Variants in COL6A6 observed in about 807,000 individuals in gnomAD.
COL6A6 encodes the protein collagen alpha-6(VI) chain.
Under a neutral mutation model 208.6 loss-of-function variants are expected in COL6A6, and 183 were observed. That is an observed-to-expected ratio of 0.88 (90% CI 0.78 to 0.99). The LOEUF (loss-of-function observed/expected upper bound fraction) is 0.99, where lower values mean the gene tolerates loss of function less well. COL6A6 is among the 50% of genes least tolerant of loss of function. The probability of loss-of-function intolerance (pLI) is 0.00; values close to 1 mark genes in which losing one functional copy is unlikely to be tolerated. For missense variants in COL6A6, 2,816 were observed against 2,815.2 expected (o/e 1.00, Z -0.01); for synonymous variants, 973 against 1,011.8 (o/e 0.96, Z 0.73).
At position 130,658,681 on chromosome 3, in the gene COL6A6, C is replaced by G; in HGVS notation, c.5739C>G (p.Asp1913Glu). ...VPSVRRAFAI[D>E]DTGTFQVIVV... is the part of the protein sequence containing the mutation. ...GCTGCTTCTGCTTCTTTTAGATTGACGACACTGGCACATTTCAAGTAATAG... is the reference window on the plus strand; with the variant it reads ...GCTGCTTCTGCTTCTTTTAGATTGAGGACACTGGCACATTTCAAGTAATAG... Residue 1913 changes from aspartate to glutamate, a missense_variant, in exon 34 of 37, where the codon GAC becomes GAG. Physicochemically the swap from Asp to Glu is conservative, Grantham distance 45. Coordinates refer to ENST00000358511, the MANE Select transcript of COL6A6 (RefSeq NM_001102608.3). The G allele has an allele frequency of 6.8e-6, 11 of 1,610,714 alleles. No homozygotes were observed. Among genetic ancestry groups the G allele is most frequent in the Non-Finnish European group, 9.3e-6 (11 of 1,177,860 alleles).
At chr3:130,582,204 T>G in intron 10 of COL6A6, 136 bp downstream of exon 10, 2 of 614,008 alleles carry the variant, frequency 3.3e-6, no homozygotes, top group Non-Finnish European at 5.7e-6. Flanking sequence ...CTGTATGTAC[T>G]AGGCAGAACA....
Position 130,592,604 on chromosome 3 carries a change from G to A in COL6A6, c.4336G>A (p.Gly1446Ser), listed in dbSNP as rs745486994. 1 of 1,613,434 alleles carries A rather than the reference G, an allele frequency of 6.2e-7. No individual in the cohort carries two copies. The highest frequency in any genetic ancestry group is 8.5e-7 in the Non-Finnish European group (1 of 1,179,518). The part of the protein sequence containing the change: ...QGTKGCYGTK[G>S]PKGNRGLNGQ... Reference sequence around the variant, plus strand: ...TACTAAGGGATGCTATGGCACCAAAGGTCCTAAGGTAAGGATTGCATAAGA... The same window carrying A: ...TACTAAGGGATGCTATGGCACCAAAAGTCCTAAGGTAAGGATTGCATAAGA... Residue 1446 changes from glycine (G) to serine (S), a missense_variant, in exon 14 of 37, where the codon GGT becomes AGT. Gly to Ser is a moderately conservative substitution (Grantham distance 56). Transcript: ENST00000358511.
rs145620546 is a variant in COL6A6, at chr3:130,572,515, C to G, written c.2977+1122C>G. On this transcript the variant is annotated intron_variant, in intron 7 of 36. Coordinates refer to ENST00000358511, the MANE Select transcript of COL6A6 (RefSeq NM_001102608.3). ...CTCTGGTTTTCCTAAGCCTTGCCTC[C>G]TTAGAATGCAGCTACTATCTTTTTC... is the stretch of plus-strand genomic sequence containing the variant. Among the ~76,000 whole-genome samples the G allele has an allele frequency of 3.3e-3, 501 of 152,280 alleles. 5 individuals are homozygous for G. The highest frequency in any genetic ancestry group is 0.011 in the African/African-American group (461 of 41,542).
rs759156772 is a variant in COL6A6, at chr3:130,672,316, G to A, written c.6597-2886G>A. ...TCATTCTTTGTCTTGACAAGCTATT[G>A]GAGTTACCAATCAGCAAAGAATTAT... is the stretch of plus-strand genomic sequence containing the variant. On this transcript the variant is annotated intron_variant, in intron 36 of 36. Coordinates refer to ENST00000358511, the MANE Select transcript of COL6A6 (RefSeq NM_001102608.3). 2.1e-4 allele frequency among the ~76,000 whole-genome samples: 32 copies of A among 152,044 alleles called. 1 individual carries two copies. Among genetic ancestry groups the A allele is most frequent in the Admixed American group, 1.5e-3 (23 of 15,270 alleles).
chr3:130,656,713 T>C (rs2065798023), intron 33 of COL6A6, among the ~76,000 whole-genome samples: 1 of 152,190 alleles, frequency 6.6e-6, no homozygotes, highest in South Asian at 2.1e-4. Flanking sequence ...CCAGGCTGTT[T>C]GCACTGAGGG....
Position 130,643,123 on chromosome 3 carries a change from A to G in COL6A6, c.5227+100A>G, listed in dbSNP as rs1470765401. ...AATTGAATTCACCAGCCAATTTCTT[A>G]AAATTGGAGATGTCACTGCATGTAT... On this transcript the variant is annotated intron_variant, in intron 31 of 36. Coordinates refer to ENST00000358511, the MANE Select transcript of COL6A6 (RefSeq NM_001102608.3). The G allele has an allele frequency of 4.8e-6, 6 of 1,245,778 alleles. 1 individual carries two copies. The Admixed American group carries it at 1.2e-4, about 25-fold the overall frequency. 77.2% of individuals were successfully genotyped at this position (1,245,778 alleles called of 1,614,324 possible).
At chr3:130,517,115 G>C (rs1328247694), upstream of COL6A6, among the ~76,000 whole-genome samples, 2 of 152,174 alleles carry the variant, frequency 1.3e-5, no homozygotes, top group Non-Finnish European at 1.5e-5. Context: ...CCGCCGGGGC[G>C]GGGAAGGGTC....
intron 1 of COL6A6, among the ~76,000 whole-genome samples, chr3:130,533,998 G>A (rs887592786): frequency 1.3e-5 from 2 of 152,092 alleles, no homozygotes; most frequent in Admixed American, 6.6e-5. Flanking sequence ...CAATTTTTAC[G>A]AACATATATT....
intron 1 of COL6A6, among the ~76,000 whole-genome samples, chr3:130,554,870 C>A (rs983408603): frequency 3.9e-5 from 6 of 152,216 alleles, no homozygotes; most frequent in African/African-American, 1.4e-4. Flanking sequence ...TCTGCTGGAG[C>A]ACTCTGAGGG....
Position 130,570,931 on chromosome 3 carries a change from G to A in COL6A6, c.2515G>A (p.Ala839Thr), listed in dbSNP as rs1406309657. Residue 839 changes from alanine to threonine, a missense_variant, in exon 7 of 37, where the codon GCT becomes ACT. By Grantham distance (58) the Ala-to-Thr change is moderately conservative. Transcript: ENST00000358511. ...TTTTATGATTGGCTTAGTGAAAAAAGCTGATGTGGGCAAGAATCAGGTCCG... is the reference window on the plus strand; with the variant it reads ...TTTTATGATTGGCTTAGTGAAAAAAACTGATGTGGGCAAGAATCAGGTCCG... ...KDFMIGLVKK[A>T]DVGKNQVRFG... The A allele has an allele frequency of 1.2e-6, 2 of 1,614,030 alleles. No homozygotes were observed. The highest frequency in any genetic ancestry group is 1.7e-6 in the Non-Finnish European group (2 of 1,179,892).
At chr3:130,589,917 A>G (rs1017717956) in intron 12 of COL6A6, 1 of 425,250 alleles carries the variant, frequency 2.4e-6, no homozygotes, top group Non-Finnish European at 4.7e-6. Context: ...CACCAGGGCT[A>G]TGTCTCTGAA....
Position 130,563,495 on chromosome 3 carries a change from A to C in COL6A6, c.492A>C (p.Val164=). The C allele has an allele frequency of 6.2e-7, 1 of 1,613,998 alleles. No individual in the cohort carries two copies. The highest frequency in any genetic ancestry group is 1.7e-5 in the Admixed American group (1 of 60,020). ...AAGACGGAGTGAAAATCATCTCTGT[A>C]GGGGTGCAGAAAGCTTCTGAGGAAA... is the stretch of plus-strand genomic sequence containing the variant. The part of the protein sequence containing the change: ...LRKDGVKIIS[V]GVQKASEENL... Residue 164 remains valine (V), a synonymous_variant, in exon 3 of 37, where the codon GTA becomes GTC. Coordinates refer to ENST00000358511, the MANE Select transcript of COL6A6 (RefSeq NM_001102608.3).
At chr3:130,532,617 G>T (rs1224051896) in intron 1 of COL6A6, among the ~76,000 whole-genome samples, 1 of 152,222 alleles carries the variant, frequency 6.6e-6, no homozygotes, top group South Asian at 2.1e-4. Context: ...CCTATGACTT[G>T]TGGACACCTC....
At chr3:130,626,423 T>C in intron 24 of COL6A6, 62 bp from the exon 25 acceptor site, 1 of 1,136,168 alleles carries the variant, frequency 8.8e-7, no homozygotes, top group South Asian at 1.2e-5. Flanking sequence ...TCCACACAGA[T>C]GAGCTGAATT....
At chr3:130,666,633 A>C (rs4333065) in intron 36 of COL6A6, among the ~76,000 whole-genome samples, 5,979 of 152,292 alleles carry the variant, frequency 0.039, 399 homozygotes, top group African/African-American at 0.14. Context: ...AAACAGTAAT[A>C]AATGTGTCTG....
In COL6A6 at chr3:130,568,355, G is replaced by T; in HGVS notation, c.2152G>T (p.Ala718Ser). The T allele has an allele frequency of 1.9e-6, 3 of 1,613,930 alleles. No homozygotes were observed. The highest frequency in any genetic ancestry group is 2.5e-6 in the Non-Finnish European group (3 of 1,179,880). The change falls in exon 6 of 37, where the codon GCC (alanine) becomes TCC (serine). Residue 718 changes from alanine to serine, a missense_variant. Coordinates refer to ENST00000358511, the MANE Select transcript of COL6A6 (RefSeq NM_001102608.3). ...VSQYFSPTKG[A>S]RPNIRKFLIL... ...TCAGTACTTCAGCCCCACCAAGGGC[G>T]CCCGGCCCAACATCAGAAAGTTTCT...
Position 130,568,255 on chromosome 3 carries a change from C to T in COL6A6, c.2052C>T (p.Asp684=), listed in dbSNP as rs990740184. The T allele has an allele frequency of 1.2e-6, 2 of 1,613,916 alleles. No homozygotes were observed. The highest frequency in any genetic ancestry group is 1.3e-5 in the African/African-American group (1 of 74,940). ...FQLNRFMSQS[D]ISNAIDQMAH... is the part of the protein sequence containing the mutation. The stretch of plus-strand genomic sequence containing the variant: ...TCAACAGATTCATGTCCCAAAGCGA[C>T]ATTTCAAATGCAATAGACCAAATGG... The change falls in exon 6 of 37, where the codon GAC becomes GAT. Residue 684 remains aspartate (D), a synonymous_variant. Coordinates refer to ENST00000358511, the MANE Select transcript of COL6A6 (RefSeq NM_001102608.3).
intron 8 of COL6A6, among the ~76,000 whole-genome samples, chr3:130,578,746 A>G (rs981961324): frequency 6.6e-6 from 1 of 152,196 alleles, no homozygotes; most frequent in African/African-American, 2.4e-5. Flanking sequence ...CAGGTCCCAC[A>G]GTGCACTACA....
At chr3:130,644,459 G>A (rs911359029) in intron 31 of COL6A6, among the ~76,000 whole-genome samples, 93 of 152,306 alleles carry the variant, frequency 6.1e-4, no homozygotes, top group South Asian at 8.3e-4. Flanking sequence ...ATGTTGAACA[G>A]TACAGGTCTA....
Sources: gnomAD v4.1 joint callset for allele counts (sites outside exome capture counted in the v4.1 genomes callset) on GRCh38, gnomAD v4.1.1 for gene constraint, MANE v1.5 for transcripts, NCBI Gene and HGNC (gene_info 2026-07-23, HGNC 2026-07-21) for gene names.